Variants in MAMDC2 observed in about 807,000 individuals in gnomAD.
The protein encoded by MAMDC2 is MAM domain-containing protein 2.
Under a neutral mutation model 89.8 loss-of-function variants are expected in MAMDC2, and 57 were observed. That is an observed-to-expected ratio of 0.63 (90% CI 0.51 to 0.79). The LOEUF (loss-of-function observed/expected upper bound fraction) is 0.79, where lower values mean the gene tolerates loss of function less well. Among genes scored for constraint, MAMDC2 ranks in the 30% least tolerant of loss-of-function variants. The probability of loss-of-function intolerance (pLI) is 0.00; values close to 1 mark genes in which losing one functional copy is unlikely to be tolerated. For synonymous variants in MAMDC2, 313 were observed against 293.4 expected, an observed-to-expected ratio of 1.07 and a Z score of -0.68; for missense variants, 800 against 820.6, an observed-to-expected ratio of 0.97 and a Z score of 0.31.
intron 7 of MAMDC2, among the ~76,000 whole-genome samples, chr9:70,135,046 TC>T (rs1400868418): frequency 1.3e-5 from 2 of 152,198 alleles, no homozygotes; most frequent in Non-Finnish European, 2.9e-5. Context: ...GAGAAATGTT[TC>T]CAACTACTCT....
intron 11 of MAMDC2, among the ~76,000 whole-genome samples, chr9:70,172,295 T>G (rs1340267226): frequency 1.3e-5 from 2 of 152,254 alleles, no homozygotes; most frequent in Non-Finnish European, 2.9e-5. Context: ...TCATTTTCTT[T>G]GTTTTACCTC....
intron 11 of MAMDC2, among the ~76,000 whole-genome samples, chr9:70,213,060 T>TGATCCTGGGGATAA (rs2033386985): frequency 2.6e-5 from 4 of 152,338 alleles, no homozygotes; most frequent in Admixed American, 2.6e-4. Context: ...GTCAATCGAA[T>TGATCCTGGGGATAA]GATCCTGGGG....
rs140482073 is a variant in MAMDC2 at position 70,109,791 on chromosome 9, C to T, written c.492C>T (p.Thr164=). The T allele has an allele frequency of 4.2e-5, 68 of 1,613,346 alleles. No individual in the cohort carries two copies. In the East Asian group the frequency reaches 6.5e-4, roughly 15 times the overall value. ...SIALFEIKMT[T]GYCIECDFEE... Reference sequence around the variant, plus strand: ...CACTATTTGAAATCAAGATGACAACCGGCTACTGTATTGGTAAGTGGGCTT... The same window carrying T: ...CACTATTTGAAATCAAGATGACAACTGGCTACTGTATTGGTAAGTGGGCTT... The change falls in exon 4 of 14, where the codon ACC becomes ACT. Residue 164 remains threonine, a synonymous_variant. Coordinates refer to ENST00000377182, the MANE Select transcript of MAMDC2 (RefSeq NM_153267.5).
In MAMDC2 at chr9:70,170,555, G is replaced by A; in HGVS notation, c.1575G>A (p.Arg525=). The A allele has an allele frequency of 6.2e-7, 1 of 1,613,132 alleles. No homozygotes were observed. Among genetic ancestry groups the A allele is most frequent in the Non-Finnish European group, 8.5e-7 (1 of 1,179,778 alleles). The change falls in exon 11 of 14, where the codon CGG becomes CGA. Residue 525 remains arginine, a synonymous_variant. Transcript: ENST00000377182. ...CATTTACTCAGGAGAAAAGAAACCG[G>A]AGCAGCTGGCACAGGAGGAGGGGAG... ...ECTFTQEKRN[R]SSWHRRRGET...
intron 11 of MAMDC2, among the ~76,000 whole-genome samples, chr9:70,215,990 T>C (rs1465266566): frequency 6.6e-6 from 1 of 152,208 alleles, no homozygotes; most frequent in Non-Finnish European, 1.5e-5. Context: ...TAACCAATTC[T>C]TGTTTGGATG....
chr9:70,080,199 C>T (rs187269454), intron 2 of MAMDC2, among the ~76,000 whole-genome samples: 71 of 152,260 alleles, frequency 4.7e-4, no homozygotes, highest in Admixed American at 1.8e-3. Context: ...CCCATCTCCT[C>T]GAGGTAGCTA....
chr9:70,157,550 C>T (rs1188076416), intron 9 of MAMDC2: 1 of 152,638 alleles, frequency 6.6e-6, no homozygotes, highest in Non-Finnish European at 1.5e-5. Context: ...CCACAAATCA[C>T]TTCCCTCTGG....
intron 2 of MAMDC2, among the ~76,000 whole-genome samples, chr9:70,047,531 C>T (rs890650225): frequency 6.6e-6 from 1 of 152,198 alleles, no homozygotes; most frequent in African/African-American, 2.4e-5. Flanking sequence ...AGGACATAAA[C>T]TCACTCTTTG....
chr9:70,195,306 C>T lies in MAMDC2; in HGVS notation c.1652-23031C>T, dbSNP rs78107441. 5.7e-3 allele frequency among the ~76,000 whole-genome samples: 861 copies of T among 152,088 alleles called. 10 individuals are homozygous for T. The highest frequency in any genetic ancestry group is 0.02 in the African/African-American group (829 of 41,506). Reference sequence around the variant, plus strand: ...CCTATTTAATAACATAATAAAGGTACGTGTAACAGATGGATAGTGACTTGC... The same window carrying T: ...CCTATTTAATAACATAATAAAGGTATGTGTAACAGATGGATAGTGACTTGC... On this transcript the variant is annotated intron_variant, in intron 11 of 13. Transcript: ENST00000377182.
intron 2 of MAMDC2, among the ~76,000 whole-genome samples, chr9:70,061,005 A>G (rs995687798): frequency 6.6e-6 from 1 of 152,184 alleles, no homozygotes; most frequent in African/African-American, 2.4e-5. Flanking sequence ...AAGAAAGCCA[A>G]TGAATGGATG....
chr9:70,051,156 C>T (rs1826885205), intron 2 of MAMDC2, among the ~76,000 whole-genome samples: 1 of 152,166 alleles, frequency 6.6e-6, no homozygotes, highest in Non-Finnish European at 1.5e-5. Flanking sequence ...CCTGACCCCT[C>T]CACTTGAGAT....
intron 2 of MAMDC2, among the ~76,000 whole-genome samples, chr9:70,084,226 T>C (rs1447102574): frequency 2.0e-5 from 3 of 152,110 alleles, no homozygotes; most frequent in Non-Finnish European, 4.4e-5. Context: ...TGTTTGCAGG[T>C]CTGACTTCCT....
intron 2 of MAMDC2, among the ~76,000 whole-genome samples, chr9:70,055,573 T>A (rs1827008739): frequency 6.6e-6 from 1 of 152,172 alleles, no homozygotes; most frequent in African/African-American, 2.4e-5. Flanking sequence ...TCATCAGTGT[T>A]GATGATGTCC....
intron 10 of MAMDC2, chr9:70,170,080 G>A (rs2118530490): frequency 6.2e-6 from 1 of 160,916 alleles, no homozygotes; most frequent in East Asian, 1.8e-4. Context: ...GTTGTTATGA[G>A]GATACCCTTC....
intron 5 of MAMDC2, among the ~76,000 whole-genome samples, chr9:70,114,130 C>T (rs1395007499): frequency 2.0e-5 from 3 of 151,060 alleles, no homozygotes; most frequent in African/African-American, 7.3e-5. Context: ...CTTATCTTGA[C>T]TCTGGACAGT....
At chr9:70,119,245 A>G (rs1462539426) in intron 5 of MAMDC2, among the ~76,000 whole-genome samples, 1 of 151,982 alleles carries the variant, frequency 6.6e-6, no homozygotes, top group East Asian at 1.9e-4. Flanking sequence ...CTTTGCTAAG[A>G]TTTAAAAAAC....
chr9:70,125,385 A>G (rs1254626327), intron 5 of MAMDC2, among the ~76,000 whole-genome samples: 2 of 152,222 alleles, frequency 1.3e-5, no homozygotes, highest in African/African-American at 4.8e-5. Context: ...AAACTTGTTC[A>G]AGGTCACAGG....
intron 2 of MAMDC2, chr9:70,092,305 G>A (rs1278712004): frequency 6.6e-6 from 1 of 152,088 alleles, no homozygotes; most frequent in Non-Finnish European, 1.5e-5. Context: ...GTGATTCCAT[G>A]TGCAGCCAAG....
At chr9:70,147,448 C>T (rs891376725) in intron 9 of MAMDC2, among the ~76,000 whole-genome samples, 2 of 149,716 alleles carry the variant, frequency 1.3e-5, no homozygotes, top group African/African-American at 5.0e-5. Flanking sequence ...TTATACTATT[C>T]CTTCTGCTTT....
Sources: allele counts gnomAD v4.1 joint callset (sites outside exome capture counted in the v4.1 genomes callset), GRCh38; gene constraint gnomAD v4.1.1; transcripts MANE v1.5; gene names NCBI Gene and HGNC (gene_info 2026-07-23, HGNC 2026-07-21).